APBB2: variants seen among roughly 807,000 people sequenced by gnomAD.
APBB2 encodes Fe65-like 1.
APBB2 carries 38 observed loss-of-function variants against 82.5 expected under a neutral mutation model. The ratio of observed to expected loss-of-function variants is 0.46; its 90% CI spans 0.36 to 0.60. The LOEUF is 0.60. Ranked by LOEUF, APBB2 falls within the 20% of genes least tolerant of loss-of-function variation. APBB2 has a pLI of 0.00. For missense variants in APBB2, 772 were observed against 972.3 expected (o/e 0.79, Z 2.74); for synonymous variants, 341 against 368.2 (o/e 0.93, Z 0.85).
At chr4:40,945,842 TC>T (rs1788228966) in intron 6 of APBB2, among the ~76,000 whole-genome samples, 1 of 152,126 alleles carries the variant, frequency 6.6e-6, no homozygotes, top group African/African-American at 2.4e-5. Flanking sequence ...TCTCCTGACC[TC>T]GTGATCCGCC....
At chr4:40,959,601 C>CA (rs1792548157) in intron 6 of APBB2, among the ~76,000 whole-genome samples, 1 of 152,078 alleles carries the variant, frequency 6.6e-6, no homozygotes, top group Non-Finnish European at 1.5e-5. Context: ...AGAATTTGGG[C>CA]AATTGACACA....
At chr4:40,913,719 G>A (rs897127377) in intron 10 of APBB2, among the ~76,000 whole-genome samples, 2 of 152,190 alleles carry the variant, frequency 1.3e-5, no homozygotes, top group Non-Finnish European at 2.9e-5. Flanking sequence ...GTAAAGAGGT[G>A]TCCTTTTTGC....
chr4:40,965,403 G>C (rs910493493), intron 6 of APBB2, among the ~76,000 whole-genome samples: 4 of 152,048 alleles, frequency 2.6e-5, no homozygotes, highest in Non-Finnish European at 5.9e-5. Context: ...ATTATTGGAG[G>C]GGCCCAAGGC....
At chr4:41,159,961 G>GAGAAGGAGAAGAAGAAGAAGAAGA (rs1764562022) in intron 1 of APBB2, among the ~76,000 whole-genome samples, 6 of 31,990 alleles carry the variant, frequency 1.9e-4, no homozygotes, top group African/African-American at 6.3e-4. Flanking sequence ...GAAGGAGAAG[G>GAGAAGGAGAAGAAGAAGAAGAAGA]AGAAGAAGAA....
chr4:40,849,437 A>G (rs1430384261), intron 12 of APBB2, among the ~76,000 whole-genome samples: 1 of 152,234 alleles, frequency 6.6e-6, no homozygotes, highest in Admixed American at 6.5e-5. Context: ...TGAAGAAATC[A>G]ATATATAAAT....
chr4:40,975,633 A>T (rs556502573), intron 6 of APBB2, among the ~76,000 whole-genome samples: 1 of 152,158 alleles, frequency 6.6e-6, no homozygotes, highest in East Asian at 1.9e-4. Context: ...AATACTCCAC[A>T]TGCTTTATCT....
At chr4:41,079,975 T>C (rs978381804) in intron 3 of APBB2, among the ~76,000 whole-genome samples, 3 of 152,224 alleles carry the variant, frequency 2.0e-5, no homozygotes, top group African/African-American at 7.2e-5. Context: ...CTGCCACTGT[T>C]TGCGTGTGGC....
intron 2 of APBB2, among the ~76,000 whole-genome samples, chr4:41,120,507 G>C (rs1752492038): frequency 6.6e-6 from 1 of 152,162 alleles, no homozygotes; most frequent in African/African-American, 2.4e-5. Context: ...AATTCAAGGT[G>C]ACTTATTTTC....
intron 1 of APBB2, among the ~76,000 whole-genome samples, chr4:41,212,608 C>T (rs1779596675): frequency 1.3e-5 from 2 of 152,230 alleles, no homozygotes; most frequent in South Asian, 4.1e-4. Flanking sequence ...AGGATCTCAA[C>T]TTTAGAGTCG....
chr4:40,856,419 G>A (rs1181117104), intron 12 of APBB2, among the ~76,000 whole-genome samples: 3 of 152,212 alleles, frequency 2.0e-5, no homozygotes, highest in African/African-American at 7.2e-5. Flanking sequence ...TCAATGCCAA[G>A]AGCTGGCTGC....
At chr4:41,074,314 TA>T (rs1318008823) in intron 3 of APBB2, among the ~76,000 whole-genome samples, 1 of 152,158 alleles carries the variant, frequency 6.6e-6, no homozygotes, top group Non-Finnish European at 1.5e-5. Flanking sequence ...CCCATCTCAT[TA>T]AAAAAGATGA....
At chr4:41,177,905 A>G (rs1404137191) in intron 1 of APBB2, among the ~76,000 whole-genome samples, 1 of 152,198 alleles carries the variant, frequency 6.6e-6, no homozygotes, top group Admixed American at 6.5e-5. Flanking sequence ...TGCTCCAGTG[A>G]GCATTTCCTT....
At chr4:40,846,022 GT>G (rs1267112272) in intron 12 of APBB2, among the ~76,000 whole-genome samples, 6 of 15,062 alleles carry the variant, frequency 4.0e-4, no homozygotes, top group Non-Finnish European at 8.5e-4. Flanking sequence ...TGGGGTGTGT[GT>G]GTGTGTGTGT....
chr4:41,080,247 G>A (rs1008799640), intron 3 of APBB2, among the ~76,000 whole-genome samples: 1 of 152,210 alleles, frequency 6.6e-6, no homozygotes, highest in Non-Finnish European at 1.5e-5. Context: ...CCCAGTCTGA[G>A]AACACTGAAC....
intron 3 of APBB2, among the ~76,000 whole-genome samples, chr4:41,098,442 CA>C (rs35107170): frequency 6.6e-6 from 1 of 152,144 alleles, no homozygotes; most frequent in Non-Finnish European, 1.5e-5. Flanking sequence ...CTCTGCCCCC[CA>C]AAAGTGTTGG....
At chr4:41,063,697 G>A (rs1019525561) in intron 4 of APBB2, among the ~76,000 whole-genome samples, 24 of 151,720 alleles carry the variant, frequency 1.6e-4, no homozygotes, top group African/African-American at 5.3e-4. Flanking sequence ...TTCTTTTTTT[G>A]AAACAGAGTC....
intron 1 of APBB2, among the ~76,000 whole-genome samples, chr4:41,213,955 G>GGGTGT (rs1779987367): frequency 6.6e-6 from 1 of 152,204 alleles, no homozygotes; most frequent in Non-Finnish European, 1.5e-5. Context: ...CAGGACAAGG[G>GGGTGT]GGTGTGCGCT....
intron 2 of APBB2, among the ~76,000 whole-genome samples, chr4:41,116,792 C>G (rs1751122746): frequency 6.6e-6 from 1 of 152,100 alleles, no homozygotes; most frequent in Non-Finnish European, 1.5e-5. Context: ...TACTTGAAAA[C>G]TTTTAGAAAA....
At chr4:41,182,552 G>A (rs1771717203) in intron 1 of APBB2, among the ~76,000 whole-genome samples, 2 of 152,112 alleles carry the variant, frequency 1.3e-5, no homozygotes, top group African/African-American at 4.8e-5. Context: ...ATATCCAACT[G>A]CCTATTCAAT....
Sources: allele counts gnomAD v4.1 joint callset (sites outside exome capture counted in the v4.1 genomes callset), GRCh38; gene constraint gnomAD v4.1.1; transcripts MANE v1.5; gene names NCBI Gene and HGNC (gene_info 2026-07-23, HGNC 2026-07-21).